Variants in PPP1CC observed in about 807,000 individuals in gnomAD.
PPP1CC encodes serine/threonine-protein phosphatase PP1-gamma catalytic subunit.
Under a neutral mutation model 38.4 loss-of-function variants are expected in PPP1CC, and 16 were observed. The ratio of observed to expected loss-of-function variants is 0.42; its 90% CI spans 0.28 to 0.63. The LOEUF is 0.63. PPP1CC is among the 30% of genes least tolerant of loss of function. The probability of loss-of-function intolerance (pLI) is 0.25; values close to 1 mark genes in which losing one functional copy is unlikely to be tolerated. For synonymous variants in PPP1CC, 158 were observed against 136.0 expected (o/e 1.16, Z -1.13); for missense variants, 170 against 391.3 (o/e 0.43, Z 4.77).
intron 1 of PPP1CC, among the ~76,000 whole-genome samples, chr12:110,738,324 ATCCT>A (rs1351046132): frequency 6.6e-6 from 1 of 152,200 alleles, no homozygotes; most frequent in Non-Finnish European, 1.5e-5. Flanking sequence ...TGGAAATGAA[ATCCT>A]TCCTTCTTGG....
At position 110,742,747 on chromosome 12, in the gene PPP1CC, C is replaced by T. The variant is rs1175548183; in HGVS notation, c.-40G>A. On this transcript the variant is annotated 5_prime_UTR_variant, in exon 1 of 7. Coordinates refer to ENST00000335007, the MANE Select transcript of PPP1CC (RefSeq NM_002710.4). ...CGACCCTCCCGCAGCGGCGCCGCCG[C>T]CGGCTCGCGCCCGGGACTCACACCT... 2.2e-6 allele frequency: 3 copies of T among 1,369,504 alleles called. No individual in the cohort carries two copies. Among genetic ancestry groups the T allele is most frequent in the African/African-American group, 1.5e-5 (1 of 66,520 alleles). The allele number at this position is 1,369,504 out of a possible 1,614,324, so 84.8% of individuals were successfully genotyped here.
chr12:110,731,928 C>T, intron 1 of PPP1CC, 27 bp from the exon 2 acceptor site: 1 of 1,605,548 alleles, frequency 6.2e-7, no homozygotes, highest in Non-Finnish European at 8.5e-7. Context: ...GCAATTAGTC[C>T]AATGAAGCCA....
downstream of PPP1CC, among the ~76,000 whole-genome samples, chr12:110,718,217 TAGAC>T (rs143363438): frequency 0.017 from 2,653 of 152,276 alleles, 36 homozygotes; most frequent in Admixed American, 0.027. Context: ...CCACTGCAAC[TAGAC>T]ATGGGCAGGC....
chr12:110,711,387 A>G, the PPP1CC span, among the ~76,000 whole-genome samples: 1 of 151,034 alleles, frequency 6.6e-6, no homozygotes, highest in Non-Finnish European at 1.5e-5. Flanking sequence ...TGTTTCTATA[A>G]AAATAAATAA....
intron 3 of PPP1CC, 55 bp downstream of exon 3, chr12:110,730,474 T>C: frequency 7.6e-7 from 1 of 1,311,736 alleles, no homozygotes; most frequent in Non-Finnish European, 1.1e-6. Flanking sequence ...GATAATTGTT[T>C]ATGATAAATA....
chr12:110,733,952 C>T (rs568670764), intron 1 of PPP1CC, among the ~76,000 whole-genome samples: 1 of 152,150 alleles, frequency 6.6e-6, no homozygotes, highest in Non-Finnish European at 1.5e-5. Context: ...ACTGCCAAAA[C>T]CATCTTCCAT....
intron 3 of PPP1CC, chr12:110,726,075 AAAAC>A (rs927488790): frequency 2.0e-5 from 3 of 152,798 alleles, no homozygotes; most frequent in East Asian, 3.8e-4. Flanking sequence ...AAAACAAAAC[AAAAC>A]AAACAAAACA....
In PPP1CC at chr12:110,720,356, T is replaced by C. The variant is rs1050587; in HGVS notation, c.*720A>G. On this transcript the variant is annotated 3_prime_UTR_variant, in exon 7 of 7. Transcript: ENST00000335007. ...AATCCCCAAGAAGGCAGCATGTGTA[T>C]ACAACCATACCACCTTGTACTTAGG... The C allele has an allele frequency of 0.12, 75,969 of 636,068 alleles. 6,469 individuals carry two copies. The highest frequency in any genetic ancestry group is 0.35 in the African/African-American group (19,265 of 54,682). 39.4% of individuals were successfully genotyped at this position (636,068 alleles called of 1,614,324 possible). A position where few individuals can be genotyped will look rare whatever the true frequency, so the allele number is the denominator to read the frequency against.
At chr12:110,728,416 AAAAAAC>A (rs2136549678) in intron 3 of PPP1CC, among the ~76,000 whole-genome samples, 1 of 150,684 alleles carries the variant, frequency 6.6e-6, no homozygotes, top group African/African-American at 2.4e-5. Context: ...AAAAAAAAAC[AAAAAAC>A]AAAAAACTCA....
chr12:110,739,066 T>G (rs1259222492), intron 1 of PPP1CC, among the ~76,000 whole-genome samples: 1 of 152,096 alleles, frequency 6.6e-6, no homozygotes, highest in Admixed American at 6.6e-5. Flanking sequence ...ATGCCTGTAA[T>G]CCCAGCACTT....
Position 110,737,820 on chromosome 12 carries a change from T to C in PPP1CC, c.55+4833A>G, listed in dbSNP as rs369617614. On this transcript the variant is annotated intron_variant, in intron 1 of 6. Coordinates refer to ENST00000335007, the MANE Select transcript of PPP1CC (RefSeq NM_002710.4). The stretch of plus-strand genomic sequence containing the variant: ...AAAATTAGCCAGGTGTGGTGGTGTG[T>C]GCCTATAGATCCGGCTAGCCAAGAG... Among the ~76,000 whole-genome samples, 56 of 151,928 alleles carry C rather than the reference T, an allele frequency of 3.7e-4. 1 individual carries two copies. In the South Asian group the frequency reaches 0.01, roughly 27 times the overall value.
chr12:110,718,967 T>C (rs1019941471), downstream of PPP1CC, among the ~76,000 whole-genome samples: 11 of 152,076 alleles, frequency 7.2e-5, no homozygotes, highest in Non-Finnish European at 1.0e-4. Flanking sequence ...CCTTAGTACT[T>C]GATAAATGTT....
chr12:110,737,446 T>C (rs2069956364), intron 1 of PPP1CC, among the ~76,000 whole-genome samples: 1 of 118,402 alleles, frequency 8.4e-6, no homozygotes, highest in South Asian at 2.5e-4. Flanking sequence ...ATCCTGCCAC[T>C]GCACTCCAGC....
chr12:110,732,414 GAAAGA>G (rs145858552), intron 1 of PPP1CC: 2,444 of 155,790 alleles, frequency 0.016, 24 homozygotes, highest in African/African-American at 0.032. Flanking sequence ...AAAAGAAAAG[GAAAGA>G]AAAGAAAAGA....
At chr12:110,730,942 G>A (rs954192875) in intron 2 of PPP1CC, among the ~76,000 whole-genome samples, 183 bp from the exon 3 acceptor site, 1 of 152,148 alleles carries the variant, frequency 6.6e-6, no homozygotes, top group Admixed American at 6.5e-5. Flanking sequence ...GTTCAACTGA[G>A]CTTAACAAAA....
intron 1 of PPP1CC, among the ~76,000 whole-genome samples, chr12:110,736,650 TATAA>T (rs1210637706): frequency 1.3e-5 from 2 of 152,030 alleles, no homozygotes; most frequent in African/African-American, 4.8e-5. Context: ...TCTCAAAAAA[TATAA>T]ATAAATAAAA....
At chr12:110,727,140 G>T (rs1435384093) in intron 3 of PPP1CC, among the ~76,000 whole-genome samples, 2 of 152,150 alleles carry the variant, frequency 1.3e-5, no homozygotes, top group Non-Finnish European at 2.9e-5. Context: ...CCCCATGTTG[G>T]TCAGACCTCC....
At chr12:110,735,480 A>C (rs553118881) in intron 1 of PPP1CC, among the ~76,000 whole-genome samples, 23 of 152,258 alleles carry the variant, frequency 1.5e-4, no homozygotes, top group African/African-American at 5.1e-4. Context: ...TCTACATTGA[A>C]CTTCAAAACC....
chr12:110,730,367 C>G (rs191849990), intron 3 of PPP1CC, among the ~76,000 whole-genome samples, 162 bp downstream of exon 3: 187 of 152,126 alleles, frequency 1.2e-3, no homozygotes, highest in African/African-American at 3.2e-3. Flanking sequence ...CCCCCACCCC[C>G]CTAAAAAAGC....
Sources: allele counts gnomAD v4.1 joint callset (sites outside exome capture counted in the v4.1 genomes callset), GRCh38; gene constraint gnomAD v4.1.1; transcripts MANE v1.5; gene names NCBI Gene and HGNC (gene_info 2026-07-23, HGNC 2026-07-21).